DBF4: variants seen among roughly 807,000 people sequenced by gnomAD.
The protein encoded by DBF4 is DBF4-CDC7 kinase regulatory subunit.
Under a neutral mutation model 76.6 loss-of-function variants are expected in DBF4, and 25 were observed. The ratio of observed to expected loss-of-function variants is 0.33; its 90% CI spans 0.24 to 0.46. The LOEUF is 0.46. DBF4 is among the 20% of genes least tolerant of loss of function. The pLI is 1.00. For missense variants in DBF4, 638 were observed against 760.8 expected (o/e 0.84, Z 1.90); for synonymous variants, 213 against 258.0 (o/e 0.83, Z 1.67).
At chr7:87,884,886 A>T in intron 2 of DBF4, 93 bp from the exon 3 acceptor site, 1 of 936,492 alleles carries the variant, frequency 1.1e-6, no homozygotes, top group Non-Finnish European at 1.6e-6. Context: ...GCAGTGAGCT[A>T]TGATTGTGCC....
intron 2 of DBF4, among the ~76,000 whole-genome samples, chr7:87,878,782 T>C (rs1215483092): frequency 6.6e-6 from 1 of 152,194 alleles, no homozygotes. Context: ...TCTAGGACCT[T>C]AATAGGATTA....
chr7:87,880,238 A>G (rs765208549), intron 2 of DBF4, among the ~76,000 whole-genome samples: 3 of 152,234 alleles, frequency 2.0e-5, no homozygotes, highest in Non-Finnish European at 4.4e-5. Context: ...GCAGTTCCTG[A>G]GGTAATTGCA....
intron 8 of DBF4, among the ~76,000 whole-genome samples, chr7:87,898,144 T>G (rs1204303144): frequency 6.6e-6 from 1 of 152,238 alleles, no homozygotes; most frequent in Non-Finnish European, 1.5e-5. Context: ...TAGATTACTT[T>G]CTTTTTTCTT....
chr7:87,891,318 T>G (rs923474669), intron 6 of DBF4, among the ~76,000 whole-genome samples: 1 of 152,114 alleles, frequency 6.6e-6, no homozygotes, highest in African/African-American at 2.4e-5. Flanking sequence ...CACACTGATA[T>G]GTGTTCCTGT....
chr7:87,890,231 G>A (rs1839450568), intron 6 of DBF4, among the ~76,000 whole-genome samples: 3 of 152,162 alleles, frequency 2.0e-5, no homozygotes, highest in Admixed American at 1.3e-4. Context: ...ATAGGTCACA[G>A]TTTGCAGTTT....
chr7:87,876,883 C>A, intron 1 of DBF4, 105 bp downstream of exon 1: 1 of 1,278,064 alleles, frequency 7.8e-7, no homozygotes, highest in Non-Finnish European at 1.1e-6. Flanking sequence ...AGCTTCTTTT[C>A]TTCTGACCGG....
intron 6 of DBF4, among the ~76,000 whole-genome samples, chr7:87,893,370 C>T (rs1480644891): frequency 1.3e-5 from 2 of 151,500 alleles, no homozygotes; most frequent in East Asian, 1.9e-4. Context: ...CTCAGCCTCC[C>T]GAGTAGCTGG....
At chr7:87,904,199 T>G (rs940328620) in intron 10 of DBF4, 93 bp from the exon 11 acceptor site, 5 of 1,324,168 alleles carry the variant, frequency 3.8e-6, no homozygotes, top group Non-Finnish European at 1.0e-6. Flanking sequence ...AACCTAATTT[T>G]AGGGGCATGA....
At chr7:87,891,249 G>A (rs1368874767) in intron 6 of DBF4, among the ~76,000 whole-genome samples, 1 of 150,710 alleles carries the variant, frequency 6.6e-6, no homozygotes, top group Admixed American at 6.6e-5. Flanking sequence ...AGGAATATTG[G>A]TCTTTTTCTT....
Position 87,888,000 on chromosome 7 carries a change from G to T in DBF4, c.538G>T (p.Glu180Ter). ...LHIDDIRYYIEQKKKELYLLK... is the reference protein window; with the variant it reads ...LHIDDIRYYI ...TAATAAAGACATTAGATACTACATTGAACAAAAGAAAAAAGAGTTGTATTT... is the reference window on the plus strand; with the variant it reads ...TAATAAAGACATTAGATACTACATTTAACAAAAGAAAAAAGAGTTGTATTT... Residue 180 changes from glutamate (E) to a stop codon, truncating the protein, a stop_gained, in exon 6 of 12, where the codon GAA becomes TAA. Coordinates refer to ENST00000265728, the MANE Select transcript of DBF4 (RefSeq NM_006716.4). LOFTEE classifies it high-confidence loss of function. 1 of 1,554,796 alleles carries T rather than the reference G, an allele frequency of 6.4e-7. No individual in the cohort carries two copies. The highest frequency in any genetic ancestry group is 1.2e-5 in the South Asian group (1 of 83,098).
intron 6 of DBF4, among the ~76,000 whole-genome samples, chr7:87,891,069 C>G (rs929071916): frequency 6.6e-6 from 1 of 151,758 alleles, no homozygotes; most frequent in Non-Finnish European, 1.5e-5. Flanking sequence ...TATTAGGTTC[C>G]CATAAATGTT....
intron 2 of DBF4, among the ~76,000 whole-genome samples, chr7:87,881,792 T>C (rs752662865): frequency 6.6e-6 from 1 of 152,198 alleles, no homozygotes; most frequent in East Asian, 1.9e-4. Flanking sequence ...GACAGAAATA[T>C]GTAGAAATTG....
rs142436773 is a variant in DBF4, at chr7:87,900,912, C to T, written c.924+34C>T. On this transcript the variant is annotated intron_variant, in intron 10 of 11. Transcript: ENST00000265728. ...GATTTTATATTTTGGGGGCTTGTTT[C>T]GAAAACTGTAATACTTGTGTTTTAA... 9,972 of 1,528,582 alleles carry T rather than the reference C, an allele frequency of 6.5e-3. 56 individuals are homozygous for T. The highest frequency in any genetic ancestry group is 9.1e-3 in the Middle Eastern group (53 of 5,832). The allele number at this position is 1,528,582 out of a possible 1,614,324, so 94.7% of individuals were successfully genotyped here.
intron 9 of DBF4, 43 bp from the exon 10 acceptor site, chr7:87,900,721 T>C (rs1165781356): frequency 6.7e-7 from 1 of 1,499,802 alleles, no homozygotes; most frequent in Non-Finnish European, 9.1e-7. Flanking sequence ...AGTTATTCCT[T>C]AGGTTCAGCA....
chr7:87,904,999 G>T (rs779182939), intron 11 of DBF4, among the ~76,000 whole-genome samples: 1 of 152,066 alleles, frequency 6.6e-6, no homozygotes, highest in East Asian at 1.9e-4. Flanking sequence ...CACCCAGGCC[G>T]GAGTGCAGTT....
intron 1 of DBF4, among the ~76,000 whole-genome samples, chr7:87,877,488 A>G (rs1439242533): frequency 6.6e-6 from 1 of 152,244 alleles, no homozygotes; most frequent in Non-Finnish European, 1.5e-5. Flanking sequence ...TCTAATGAAA[A>G]TAATGAAAGG....
At chr7:87,895,468 G>A (rs944003627) in intron 6 of DBF4, among the ~76,000 whole-genome samples, 4 of 151,964 alleles carry the variant, frequency 2.6e-5, no homozygotes, top group African/African-American at 9.7e-5. Context: ...CTGATAGTCT[G>A]TAGGATGCTG....
chr7:87,900,918 CTG>C (rs1562765622), intron 10 of DBF4, 40 bp downstream of exon 10: 5 of 1,486,452 alleles, frequency 3.4e-6, no homozygotes, highest in African/African-American at 2.8e-5. Context: ...GTTTCGAAAA[CTG>C]TAATACTTGT....
intron 8 of DBF4, among the ~76,000 whole-genome samples, chr7:87,898,785 C>T (rs1212853841): frequency 7.1e-6 from 1 of 141,204 alleles, no homozygotes; most frequent in Non-Finnish European, 1.5e-5. Flanking sequence ...AGCAAGACTC[C>T]GTCTCAAAAA....
Sources: gnomAD v4.1 joint callset for allele counts (sites outside exome capture counted in the v4.1 genomes callset) on GRCh38, gnomAD v4.1.1 for gene constraint, MANE v1.5 for transcripts, NCBI Gene and HGNC (gene_info 2026-07-23, HGNC 2026-07-21) for gene names.